ATP8B4: variants seen among roughly 807,000 people sequenced by gnomAD.
The protein encoded by ATP8B4 is ATPase phospholipid transporting 8B4 (putative).
ATP8B4 carries 133 observed loss-of-function variants against 145.6 expected under a neutral mutation model. The observed-to-expected ratio is 0.91, with a 90% CI of 0.79 to 1.05. The LOEUF (loss-of-function observed/expected upper bound fraction) is 1.05, where lower values mean the gene tolerates loss of function less well. ATP8B4 is among the 50% of genes least tolerant of loss of function. ATP8B4 has a pLI of 0.00. For synonymous variants in ATP8B4, 507 were observed against 492.9 expected (o/e 1.03, Z -0.38); for missense variants, 1,458 against 1,425.2 (o/e 1.02, Z -0.37).
chr15:49,926,081 C>G (rs75951232), intron 16 of ATP8B4, among the ~76,000 whole-genome samples: 171 of 152,092 alleles, frequency 1.1e-3, no homozygotes, highest in Admixed American at 5.8e-3. Context: ...CCCTGGGCAA[C>G]TGCATCATTT....
chr15:50,082,422 G>A (rs972969089), intron 2 of ATP8B4, among the ~76,000 whole-genome samples: 3 of 152,214 alleles, frequency 2.0e-5, no homozygotes, highest in African/African-American at 7.2e-5. Flanking sequence ...TCACAAGAGA[G>A]CTTGGAAACA....
At chr15:50,160,038 T>TTTTTTTTTG (rs2044492829) in intron 1 of ATP8B4, among the ~76,000 whole-genome samples, 3 of 143,558 alleles carry the variant, frequency 2.1e-5, no homozygotes, top group Non-Finnish European at 3.0e-5. Flanking sequence ...TTTTTTTTTT[T>TTTTTTTTTG]GCTGGGAGAC....
chr15:50,134,143 AAAAT>A (rs150704189), intron 1 of ATP8B4, among the ~76,000 whole-genome samples: 24,491 of 152,062 alleles, frequency 0.16, 2,142 homozygotes, highest in African/African-American at 0.2. Context: ...AAACTAAGGA[AAAAT>A]AAATTAATAT....
chr15:49,899,806 A>G (rs970192728), intron 21 of ATP8B4, among the ~76,000 whole-genome samples: 4 of 152,188 alleles, frequency 2.6e-5, no homozygotes, highest in Non-Finnish European at 5.9e-5. Context: ...GCAAAAACAT[A>G]GTCAAGTCTC....
At chr15:49,997,579 G>C (rs1466869177) in intron 8 of ATP8B4, among the ~76,000 whole-genome samples, 1 of 152,042 alleles carries the variant, frequency 6.6e-6, no homozygotes, top group Non-Finnish European at 1.5e-5. Context: ...GATACGCAAT[G>C]CTGCCCCAAG....
At chr15:50,143,677 C>T (rs930169787) in intron 1 of ATP8B4, among the ~76,000 whole-genome samples, 1 of 152,148 alleles carries the variant, frequency 6.6e-6, no homozygotes, top group African/African-American at 2.4e-5. Context: ...AGGCTAGGTG[C>T]CACAGTAGTA....
intron 13 of ATP8B4, among the ~76,000 whole-genome samples, chr15:49,963,069 G>C (rs2044220517): frequency 6.6e-6 from 1 of 151,758 alleles, no homozygotes; most frequent in African/African-American, 2.4e-5. Flanking sequence ...AAATTTACAA[G>C]AGAAAAAACC....
chr15:49,920,547 T>C (rs2040165836), intron 17 of ATP8B4, 137 bp from the exon 18 acceptor site: 2 of 985,014 alleles, frequency 2.0e-6, no homozygotes, highest in East Asian at 5.3e-5. Context: ...ATCCTTACTC[T>C]CAACTTTTTA....
intron 3 of ATP8B4, among the ~76,000 whole-genome samples, 199 bp downstream of exon 3, chr15:50,073,928 C>A (rs898285825): frequency 6.6e-6 from 1 of 152,098 alleles, no homozygotes; most frequent in Non-Finnish European, 1.5e-5. Flanking sequence ...ATAAGCATAC[C>A]AACTACTCTT....
intron 6 of ATP8B4, among the ~76,000 whole-genome samples, chr15:50,033,458 C>A (rs1431983872): frequency 6.6e-6 from 1 of 152,114 alleles, no homozygotes; most frequent in Non-Finnish European, 1.5e-5. Flanking sequence ...AATAATGACA[C>A]AAAGAAGGGA....
chr15:50,029,725 AGAG>A (rs1555461596), intron 6 of ATP8B4, among the ~76,000 whole-genome samples: 1 of 152,226 alleles, frequency 6.6e-6, no homozygotes, highest in Non-Finnish European at 1.5e-5. Context: ...AGGAAAAAGA[AGAG>A]GAGGAAGCAA....
At chr15:50,134,704 A>G (rs908852008) in intron 1 of ATP8B4, among the ~76,000 whole-genome samples, 3 of 152,350 alleles carry the variant, frequency 2.0e-5, no homozygotes, top group Non-Finnish European at 4.4e-5. Flanking sequence ...GTATAGATTC[A>G]AGAAATATTC....
chr15:50,009,484 C>A (rs559912165), intron 7 of ATP8B4: 2 of 322,640 alleles, frequency 6.2e-6, no homozygotes, highest in South Asian at 5.0e-5. Context: ...GGTCTAGCAT[C>A]TTATTTGACA....
chr15:50,111,421 T>A (rs980886233), intron 1 of ATP8B4, among the ~76,000 whole-genome samples: 2 of 152,266 alleles, frequency 1.3e-5, no homozygotes, highest in Non-Finnish European at 2.9e-5. Context: ...TCTTATTTTA[T>A]ATCATCAGTT....
At chr15:50,019,000 T>G (rs1382036050) in intron 6 of ATP8B4, 3 of 1,100,144 alleles carry the variant, frequency 2.7e-6, no homozygotes, top group African/African-American at 1.7e-5. Flanking sequence ...AGAAACAAAG[T>G]TCGAGTCAAT....
At chr15:50,139,585 C>T (rs2044179933) in intron 1 of ATP8B4, among the ~76,000 whole-genome samples, 1 of 152,088 alleles carries the variant, frequency 6.6e-6, no homozygotes, top group Non-Finnish European at 1.5e-5. Flanking sequence ...CACATGTATC[C>T]CAGAACTTAA....
At chr15:49,889,589 T>C (rs575978773) in intron 23 of ATP8B4, among the ~76,000 whole-genome samples, 2 of 152,292 alleles carry the variant, frequency 1.3e-5, no homozygotes, top group South Asian at 2.1e-4. Flanking sequence ...CAGGCAGTAA[T>C]GCTTCCACCC....
At chr15:50,034,346 C>T (rs910517735) in intron 6 of ATP8B4, among the ~76,000 whole-genome samples, 4 of 151,330 alleles carry the variant, frequency 2.6e-5, no homozygotes, top group African/African-American at 9.7e-5. Flanking sequence ...TCTCCTGCCT[C>T]ATCCTCCTGG....
chr15:49,895,720 T>A (rs1361530230), intron 23 of ATP8B4: 2 of 152,230 alleles, frequency 1.3e-5, no homozygotes, highest in Non-Finnish European at 2.9e-5. Context: ...AATATCTGGC[T>A]CTGACCGATT....
Sources: gnomAD v4.1 joint callset for allele counts (sites outside exome capture counted in the v4.1 genomes callset) on GRCh38, gnomAD v4.1.1 for gene constraint, MANE v1.5 for transcripts, NCBI Gene and HGNC (gene_info 2026-07-23, HGNC 2026-07-21) for gene names.